Variants in TVP23A observed in about 807,000 individuals in gnomAD.
The protein encoded by TVP23A is Golgi apparatus membrane protein TVP23 homolog A.
TVP23A carries 21 observed loss-of-function variants against 31.7 expected under a neutral mutation model. The ratio of observed to expected loss-of-function variants is 0.66; its 90% CI spans 0.47 to 0.95. The LOEUF (loss-of-function observed/expected upper bound fraction) is 0.95, where lower values mean the gene tolerates loss of function less well. TVP23A is among the 40% of genes least tolerant of loss of function. TVP23A has a pLI of 0.00. For synonymous variants in TVP23A, 104 were observed against 96.0 expected (o/e 1.08, Z -0.49); for missense variants, 279 against 255.6 (o/e 1.09, Z -0.62).
intron 2 of TVP23A, among the ~76,000 whole-genome samples, chr16:10,806,417 G>C (rs2033947586): frequency 6.6e-6 from 1 of 152,174 alleles, no homozygotes; most frequent in African/African-American, 2.4e-5. Flanking sequence ...AAACATCAAA[G>C]AACCTGGCCA....
intron 2 of TVP23A, among the ~76,000 whole-genome samples, chr16:10,803,245 CTGTGTGTGTG>C (rs3040297): frequency 1.3e-4 from 17 of 135,474 alleles, no homozygotes; most frequent in South Asian, 2.4e-4. Flanking sequence ...GATCGCGCCA[CTGTGTGTGTG>C]TGTGTGTGTG....
At chr16:10,796,243 G>A (rs758038574) in intron 2 of TVP23A, among the ~76,000 whole-genome samples, 1 of 151,864 alleles carries the variant, frequency 6.6e-6, no homozygotes, top group African/African-American at 2.4e-5. Context: ...GGGAGGCTGA[G>A]GTGAGAGCCT....
intron 2 of TVP23A, among the ~76,000 whole-genome samples, chr16:10,811,035 C>G (rs1333586167): frequency 3.9e-5 from 6 of 152,084 alleles, no homozygotes; most frequent in African/African-American, 1.4e-4. Flanking sequence ...CATGAAATGT[C>G]CGGAACAGGC....
At chr16:10,810,382 A>C (rs1391434636) in intron 2 of TVP23A, among the ~76,000 whole-genome samples, 1 of 152,002 alleles carries the variant, frequency 6.6e-6, no homozygotes, top group Non-Finnish European at 1.5e-5. Context: ...TCCCGTCTCT[A>C]CAAAAAATAG....
At chr16:10,757,496 G>A (rs1312348144), downstream of TVP23A, among the ~76,000 whole-genome samples, 13 of 152,076 alleles carry the variant, frequency 8.5e-5, no homozygotes, top group South Asian at 1.2e-3. This position sits in a 1 kb window ranked among gnomAD's most constrained non-coding sequence, Gnocchi z 4.1. Context: ...GGAGTAGACC[G>A]TGTTCTACAC....
At chr16:10,778,824 G>T (rs924032165) in intron 2 of TVP23A, among the ~76,000 whole-genome samples, 2 of 152,092 alleles carry the variant, frequency 1.3e-5, no homozygotes, top group African/African-American at 4.8e-5. Context: ...AAATTAGCCA[G>T]GCCTGATGGC....
At position 10,767,052 on chromosome 16, in the gene TVP23A, G is replaced by A. The variant is rs558850200; in HGVS notation, c.*2050C>T. The A allele has an allele frequency of 7.3e-5, 29 of 398,732 alleles. No individual in the cohort carries two copies. The highest frequency in any genetic ancestry group is 1.2e-4 in the Non-Finnish European group (27 of 226,132). The allele number at this position is 398,732 out of a possible 1,614,324, so 24.7% of individuals were successfully genotyped here. A position where few individuals can be genotyped will look rare whatever the true frequency, so the allele number is the denominator to read the frequency against. On this transcript the variant is annotated 3_prime_UTR_variant, in exon 8 of 8. Transcript: ENST00000299866. This position sits in a 1 kb window ranked among gnomAD's most constrained non-coding sequence, Gnocchi z 4.6. ...AGGGCGACACAGTAGTGAAGTTGAGGAAATGATGAGTGCTAGGTAGGAACC... is the reference window on the plus strand; with the variant it reads ...AGGGCGACACAGTAGTGAAGTTGAGAAAATGATGAGTGCTAGGTAGGAACC...
chr16:10,812,373 G>T (rs1162336961), intron 2 of TVP23A, among the ~76,000 whole-genome samples: 1 of 152,182 alleles, frequency 6.6e-6, no homozygotes, highest in Non-Finnish European at 1.5e-5. Flanking sequence ...ATTAAAAATA[G>T]AACTACCATA....
rs190490499 is a variant in TVP23A at position 10,803,601 on chromosome 16, G to A, written c.89+14502C>T. On this transcript the variant is annotated intron_variant, in intron 2 of 7. Coordinates refer to ENST00000299866, the MANE Select transcript of TVP23A (RefSeq NM_001079512.4). ...CCACTGTCTAATGAGAATGGCCAACGGTGCAGGGTCCCATCAGCTGGTCCT... is the reference window on the plus strand; with the variant it reads ...CCACTGTCTAATGAGAATGGCCAACAGTGCAGGGTCCCATCAGCTGGTCCT... Among the ~76,000 whole-genome samples the A allele has an allele frequency of 1.6e-4, 25 of 152,240 alleles. No homozygotes were observed. In the East Asian group the frequency reaches 3.3e-3, roughly 20 times the overall value.
intron 2 of TVP23A, among the ~76,000 whole-genome samples, chr16:10,806,905 C>A (rs2033971956): frequency 6.6e-6 from 1 of 152,162 alleles, no homozygotes; most frequent in Non-Finnish European, 1.5e-5. Context: ...GAGTTAATTT[C>A]AAAATACGTA....
rs1729062 is a variant in TVP23A at position 10,766,808 on chromosome 16, C to T, written c.*2294G>A. 0.21 allele frequency: 81,950 copies of T among 397,388 alleles called. 9,593 individuals carry two copies. Among genetic ancestry groups the T allele is most frequent in the Non-Finnish European group, 0.25 (56,016 of 225,846 alleles). The allele number at this position is 397,388 out of a possible 1,614,324, so 24.6% of individuals were successfully genotyped here. A position where few individuals can be genotyped will look rare whatever the true frequency, so the allele number is the denominator to read the frequency against. Reference sequence around the variant, plus strand: ...GTTTAAATACCCTCTACTTGAGGTACGCCCTATATAAACGAAAAGGATGAA... The same window carrying T: ...GTTTAAATACCCTCTACTTGAGGTATGCCCTATATAAACGAAAAGGATGAA... On this transcript the variant is annotated 3_prime_UTR_variant, in exon 8 of 8. Coordinates refer to ENST00000299866, the MANE Select transcript of TVP23A (RefSeq NM_001079512.4). The surrounding 1 kb of genome is among the most constrained non-coding windows in gnomAD (Gnocchi z 4.8).
At position 10,768,013 on chromosome 16, in the gene TVP23A, C is replaced by T. The variant is rs1172876544; in HGVS notation, c.*1089G>A. 2 of 1,614,052 alleles carry T rather than the reference C, an allele frequency of 1.2e-6. No homozygotes were observed. Among genetic ancestry groups the T allele is most frequent in the South Asian group, 2.2e-5 (2 of 91,074 alleles). ...CCCCAGATTCCCCAGCCACGTTAGC[C>T]TACAGAAGTATAATTCAGAGTAAGT... On this transcript the variant is annotated 3_prime_UTR_variant, in exon 8 of 8. Transcript: ENST00000299866. This position sits in a 1 kb window ranked among gnomAD's most constrained non-coding sequence, Gnocchi z 4.3.
At chr16:10,770,198 C>G in intron 7 of TVP23A, 74 bp downstream of exon 7, 2 of 1,529,798 alleles carry the variant, frequency 1.3e-6, no homozygotes, top group Non-Finnish European at 8.8e-7. Flanking sequence ...AGACCCCGGG[C>G]CCCTGTGCCC....
intron 2 of TVP23A, among the ~76,000 whole-genome samples, chr16:10,813,707 T>C (rs1053336335): frequency 6.6e-6 from 1 of 152,158 alleles, no homozygotes; most frequent in African/African-American, 2.4e-5. Context: ...AGACCTCAGT[T>C]AAGAATTCCC....
chr16:10,803,073 C>G (rs1283088311), intron 2 of TVP23A, among the ~76,000 whole-genome samples: 1 of 152,122 alleles, frequency 6.6e-6, no homozygotes, highest in Non-Finnish European at 1.5e-5. Context: ...CACCTGAGGT[C>G]AGGAGTTCAA....
chr16:10,774,909 C>T, intron 3 of TVP23A, 43 bp downstream of exon 3: 1 of 1,577,278 alleles, frequency 6.3e-7, no homozygotes, highest in African/African-American at 1.3e-5. Flanking sequence ...AGGGGACAAG[C>T]CTCGTGTTTC....
downstream of TVP23A, chr16:10,761,875 G>T (rs1323191462): frequency 6.2e-7 from 1 of 1,602,020 alleles, no homozygotes; most frequent in South Asian, 1.1e-5. Context: ...TGACCCCAGT[G>T]TGGGGCGGCA....
chr16:10,764,054 G>A (rs2142788479), downstream of TVP23A, among the ~76,000 whole-genome samples: 1 of 151,572 alleles, frequency 6.6e-6, no homozygotes, highest in East Asian at 1.9e-4. Context: ...CAGCCCAAAG[G>A]AGCATCTCAG....
At position 10,777,957 on chromosome 16, in the gene TVP23A, G is replaced by C. The variant is rs1296752278; in HGVS notation, c.90-2861C>G. On this transcript the variant is annotated intron_variant, in intron 2 of 7. Coordinates refer to ENST00000299866, the MANE Select transcript of TVP23A (RefSeq NM_001079512.4). The surrounding 1 kb of genome is among the most constrained non-coding windows in gnomAD (Gnocchi z 4.5). ...ATCTGGGAGGCGGAGGTTGCAGTGA[G>C]TTGAGATCGTACTACTGCACTCCAG... Among the ~76,000 whole-genome samples, 1 of 152,112 alleles carries C rather than the reference G, an allele frequency of 6.6e-6. No individual in the cohort carries two copies. The highest frequency in any genetic ancestry group is 1.5e-5 in the Non-Finnish European group (1 of 68,042).
Sources: allele counts gnomAD v4.1 joint callset (sites outside exome capture counted in the v4.1 genomes callset), GRCh38; gene constraint gnomAD v4.1.1; non-coding constraint Gnocchi (gnomAD v3.1); transcripts MANE v1.5; gene names NCBI Gene and HGNC (gene_info 2026-07-23, HGNC 2026-07-21).